DCC: variants seen among roughly 807,000 people sequenced by gnomAD.
DCC encodes netrin receptor DCC.
DCC carries 58 observed loss-of-function variants against 172.5 expected under a neutral mutation model. The ratio of observed to expected loss-of-function variants is 0.34; its 90% CI spans 0.27 to 0.42. The LOEUF is 0.42. Among genes scored for constraint, DCC ranks in the 10% least tolerant of loss-of-function variants. The pLI, the probability that DCC is intolerant of heterozygous loss-of-function variation, is 1.00. For missense variants in DCC, 1,740 were observed against 1,791.0 expected, an observed-to-expected ratio of 0.97 and a Z score of 0.51; for synonymous variants, 709 against 644.5, an observed-to-expected ratio of 1.10 and a Z score of -1.52.
In DCC at chr18:53,337,380, C is replaced by A. The variant is rs150427202; in HGVS notation, c.2165-2333C>A. ...CTTCAAATATGCTAAACAGAACTGA[C>A]TGAGAGTCCATTACATTTCAAGGGC... is the stretch of plus-strand genomic sequence containing the variant. On this transcript the variant is annotated intron_variant, in intron 14 of 28. Transcript: ENST00000442544. 1.5e-3 allele frequency among the ~76,000 whole-genome samples: 225 copies of A among 152,322 alleles called. 1 individual carries two copies. The highest frequency in any genetic ancestry group is 5.4e-3 in the African/African-American group (223 of 41,570).
intron 3 of DCC, among the ~76,000 whole-genome samples, chr18:52,916,912 C>T (rs538906825): frequency 4.6e-5 from 7 of 151,538 alleles, no homozygotes; most frequent in Non-Finnish European, 7.4e-5. Context: ...AAAGAACTAC[C>T]ACTATACTCA....
intron 12 of DCC, among the ~76,000 whole-genome samples, chr18:53,218,865 A>G (rs1279356790): frequency 6.6e-6 from 1 of 152,132 alleles, no homozygotes; most frequent in Non-Finnish European, 1.5e-5. Context: ...ACATACTACA[A>G]CTTAATTAGT....
intron 1 of DCC, among the ~76,000 whole-genome samples, chr18:52,470,870 A>T (rs1353366397): frequency 6.6e-6 from 1 of 152,190 alleles, no homozygotes; most frequent in Non-Finnish European, 1.5e-5. Context: ...ATTTTGTGTC[A>T]CAAACACACT....
In DCC at chr18:52,799,208, A is replaced by G. The variant is rs184469640; in HGVS notation, c.412+46834A>G. ...GGCTACTTGAGACTTCCATTAATTT[A>G]TACACATTCAGCGGAGCTAACATTC... On this transcript the variant is annotated intron_variant, in intron 2 of 28. Transcript: ENST00000442544. 7.9e-5 allele frequency among the ~76,000 whole-genome samples: 12 copies of G among 152,354 alleles called. No individual in the cohort carries two copies. The East Asian group carries it at 2.1e-3, about 27-fold the overall frequency.
intron 3 of DCC, among the ~76,000 whole-genome samples, chr18:52,906,536 T>A (rs2039885415): frequency 6.6e-6 from 1 of 151,750 alleles, no homozygotes; most frequent in Admixed American, 6.6e-5. Context: ...CTTGTTGAAG[T>A]TTCTGGAAAA....
At chr18:53,044,162 G>A (rs1398386857) in intron 5 of DCC, among the ~76,000 whole-genome samples, 2 of 151,998 alleles carry the variant, frequency 1.3e-5, no homozygotes, top group East Asian at 3.9e-4. Flanking sequence ...AGTCTGCTGG[G>A]AAGCATCTTC....
chr18:53,021,503 T>A (rs1416312217), intron 5 of DCC, among the ~76,000 whole-genome samples: 1 of 152,142 alleles, frequency 6.6e-6, no homozygotes, highest in African/African-American at 2.4e-5. Flanking sequence ...TCTTCTAGCA[T>A]CCTCTGAGAG....
intron 22 of DCC, among the ~76,000 whole-genome samples, chr18:53,443,665 G>A (rs755186474): frequency 6.6e-6 from 1 of 152,200 alleles, no homozygotes; most frequent in African/African-American, 2.4e-5. Flanking sequence ...ATGGATCTGA[G>A]CAAAGTAAAT....
At chr18:52,524,491 G>A (rs2144672124) in intron 1 of DCC, among the ~76,000 whole-genome samples, 2 of 152,306 alleles carry the variant, frequency 1.3e-5, no homozygotes, top group Non-Finnish European at 2.9e-5. Flanking sequence ...CTTTTTGGAA[G>A]CACATTGTTA....
intron 5 of DCC, among the ~76,000 whole-genome samples, chr18:53,026,272 A>G (rs921366679): frequency 1.3e-5 from 2 of 152,036 alleles, no homozygotes; most frequent in Non-Finnish European, 2.9e-5. Flanking sequence ...CATTGGTACA[A>G]TGTTGTTTCT....
In DCC at chr18:53,215,397, C is replaced by T. The variant is rs1470766630; in HGVS notation, c.1862-151C>T. On this transcript the variant is annotated intron_variant, in intron 11 of 28. Coordinates refer to ENST00000442544, the MANE Select transcript of DCC (RefSeq NM_005215.4). Reference sequence around the variant, plus strand: ...ACAAATACAGTTATTTTTCATCTCTCCAAAAATTTTTGAAGTACTACCTGG... The same window carrying T: ...ACAAATACAGTTATTTTTCATCTCTTCAAAAATTTTTGAAGTACTACCTGG... The T allele has an allele frequency of 4.0e-5, 28 of 706,638 alleles. No homozygotes were observed. The East Asian group carries it at 7.5e-4, about 19-fold the overall frequency. The allele number at this position is 706,638 out of a possible 1,614,324, so 43.8% of individuals were successfully genotyped here.
chr18:52,497,272 A>AT (rs1568198332), intron 1 of DCC, among the ~76,000 whole-genome samples: 4 of 91,134 alleles, frequency 4.4e-5, no homozygotes, highest in African/African-American at 1.7e-4. Flanking sequence ...AAAAAAAAAA[A>AT]AAAAAAAAAT....
intron 13 of DCC, among the ~76,000 whole-genome samples, chr18:53,308,348 A>T (rs575082132): frequency 6.6e-6 from 1 of 152,162 alleles, no homozygotes; most frequent in Admixed American, 6.6e-5. Flanking sequence ...TCACATAAAA[A>T]TATTTAGAAT....
At chr18:53,404,277 G>GA (rs200354051) in intron 19 of DCC, among the ~76,000 whole-genome samples, 64,203 of 151,564 alleles carry the variant, frequency 0.42, 15,327 homozygotes, top group Non-Finnish European at 0.55. Flanking sequence ...TTTGGCAAAG[G>GA]AAAAATAAGT....
chr18:53,401,126 C>T (rs1328784079), intron 18 of DCC, among the ~76,000 whole-genome samples: 1 of 152,042 alleles, frequency 6.6e-6, no homozygotes, highest in African/African-American at 2.4e-5. Flanking sequence ...AGTATTTTGC[C>T]ATAATGAATC....
At chr18:53,385,916 C>T (rs1021373501) in intron 15 of DCC, 127 bp from the exon 16 acceptor site, 25 of 721,444 alleles carry the variant, frequency 3.5e-5, no homozygotes, top group Non-Finnish European at 5.2e-5. Context: ...CTGAATCCAA[C>T]TCACTCATTC....
At chr18:52,729,153 TTC>T (rs2036597753) in intron 1 of DCC, among the ~76,000 whole-genome samples, 2 of 152,182 alleles carry the variant, frequency 1.3e-5, no homozygotes, top group African/African-American at 4.8e-5. Context: ...GAATTTAGTA[TTC>T]TGTTTTATTG....
intron 1 of DCC, among the ~76,000 whole-genome samples, chr18:52,663,652 T>C (rs1370863714): frequency 6.6e-6 from 1 of 152,164 alleles, no homozygotes; most frequent in African/African-American, 2.4e-5. Flanking sequence ...AATGAATATA[T>C]ATTATATATA....
intron 1 of DCC, among the ~76,000 whole-genome samples, chr18:52,564,520 C>T (rs982787323): frequency 6.6e-6 from 1 of 151,998 alleles, no homozygotes; most frequent in African/African-American, 2.4e-5. Flanking sequence ...TGACAAATTA[C>T]ATGTGCATTT....
Sources: gnomAD v4.1 joint callset for allele counts (sites outside exome capture counted in the v4.1 genomes callset) on GRCh38, gnomAD v4.1.1 for gene constraint, MANE v1.5 for transcripts, NCBI Gene and HGNC (gene_info 2026-07-23, HGNC 2026-07-21) for gene names.